NOX4: variants seen among roughly 807,000 people sequenced by gnomAD.
The protein encoded by NOX4 is kidney oxidase-1.
In NOX4, 69 loss-of-function variants were observed where a neutral mutation model predicts 87.6. The ratio of observed to expected loss-of-function variants is 0.79; its 90% CI spans 0.65 to 0.96. NOX4 has a LOEUF of 0.96. Among genes scored for constraint, NOX4 ranks in the 40% least tolerant of loss-of-function variants. The probability of loss-of-function intolerance (pLI) is 0.00; values close to 1 mark genes in which losing one functional copy is unlikely to be tolerated. For synonymous variants in NOX4, 275 were observed against 238.2 expected (o/e 1.15, Z -1.42); for missense variants, 680 against 681.5 (o/e 1.00, Z 0.02).
chr11:89,416,245 A>G (rs1942763725), intron 8 of NOX4, among the ~76,000 whole-genome samples: 1 of 152,316 alleles, frequency 6.6e-6, no homozygotes, highest in Middle Eastern at 3.4e-3. Flanking sequence ...AAAAGAACAT[A>G]GAGGAAAGTA....
upstream of NOX4, among the ~76,000 whole-genome samples, chr11:89,502,541 G>A (rs1236212874): frequency 6.6e-6 from 1 of 151,982 alleles, no homozygotes; most frequent in Non-Finnish European, 1.5e-5. Context: ...CTGGAGCAAA[G>A]GTCCCTGTTA....
At chr11:89,563,690 A>G in the NOX4 span, among the ~76,000 whole-genome samples, 3 of 152,154 alleles carry the variant, frequency 2.0e-5, no homozygotes, top group Non-Finnish European at 2.9e-5. Flanking sequence ...TCACCTCCAA[A>G]TTTTGAACAT....
chr11:89,545,992 G>C, the NOX4 span, among the ~76,000 whole-genome samples: 1 of 152,128 alleles, frequency 6.6e-6, no homozygotes, highest in African/African-American at 2.4e-5. Flanking sequence ...TCTTCCTGTG[G>C]TAAATATTAG....
chr11:89,568,101 C>G, the NOX4 span, among the ~76,000 whole-genome samples: 1 of 152,106 alleles, frequency 6.6e-6, no homozygotes, highest in Non-Finnish European at 1.5e-5. Flanking sequence ...GACACCACAC[C>G]TTATGGATAG....
chr11:89,515,249 T>C, the NOX4 span, among the ~76,000 whole-genome samples: 1 of 152,012 alleles, frequency 6.6e-6, no homozygotes, highest in Non-Finnish European at 1.5e-5. Context: ...GAGAGTTCCA[T>C]TTGCTCTACA....
At chr11:89,478,227 T>C (rs1946249319) in intron 2 of NOX4, among the ~76,000 whole-genome samples, 1 of 152,198 alleles carries the variant, frequency 6.6e-6, no homozygotes, top group African/African-American at 2.4e-5. Context: ...ATAAGCGATA[T>C]ATTAGGTTAA....
chr11:89,513,399 C>T, the NOX4 span, among the ~76,000 whole-genome samples: 1 of 151,716 alleles, frequency 6.6e-6, no homozygotes, highest in African/African-American at 2.4e-5. Flanking sequence ...GAATACTTGA[C>T]TTTAAATCTC....
chr11:89,556,006 T>C, the NOX4 span, among the ~76,000 whole-genome samples: 2 of 152,050 alleles, frequency 1.3e-5, no homozygotes, highest in African/African-American at 4.8e-5. Context: ...ACAGTTTGTG[T>C]GCTAAAAAAA....
chr11:89,397,977 C>G (rs1442950709), intron 11 of NOX4, among the ~76,000 whole-genome samples: 1 of 151,980 alleles, frequency 6.6e-6, no homozygotes, highest in East Asian at 1.9e-4. Flanking sequence ...GAGGCCAGCA[C>G]CATCCTGATA....
At chr11:89,465,372 C>T (rs111292350) in intron 2 of NOX4, among the ~76,000 whole-genome samples, 5,581 of 152,174 alleles carry the variant, frequency 0.037, 344 homozygotes, top group African/African-American at 0.13. Flanking sequence ...ATTTTCTTTA[C>T]CCAGTCTATC....
chr11:89,488,276 T>C (rs1293874059), intron 2 of NOX4, among the ~76,000 whole-genome samples: 2 of 152,046 alleles, frequency 1.3e-5, no homozygotes, highest in South Asian at 4.1e-4. Context: ...TCATTTTTTT[T>C]CTTCATTCCC....
the NOX4 span, chr11:89,545,061 T>C: frequency 2.6e-5 from 4 of 152,188 alleles, no homozygotes; most frequent in African/African-American, 9.7e-5. Context: ...ATTTGTGCTC[T>C]TGCTGTTGTG....
intron 13 of NOX4, among the ~76,000 whole-genome samples, chr11:89,349,037 C>T (rs1946335252): frequency 6.6e-6 from 1 of 152,032 alleles, no homozygotes; most frequent in Admixed American, 6.6e-5. Flanking sequence ...ACCTGTAATC[C>T]CAGCATTTTG....
At chr11:89,403,706 G>C (rs191723237) in intron 8 of NOX4, among the ~76,000 whole-genome samples, 4 of 152,038 alleles carry the variant, frequency 2.6e-5, no homozygotes, top group Non-Finnish European at 5.9e-5. Flanking sequence ...TCACACCATT[G>C]CACTCCAGCC....
chr11:89,446,105 C>T (rs1266730278), intron 4 of NOX4, among the ~76,000 whole-genome samples: 2 of 151,938 alleles, frequency 1.3e-5, no homozygotes, highest in Non-Finnish European at 2.9e-5. Context: ...CAAACAAGCA[C>T]GAAAAGATGA....
the NOX4 span, among the ~76,000 whole-genome samples, chr11:89,561,088 C>CATATATATATATAT: frequency 4.7e-5 from 2 of 42,878 alleles, no homozygotes; most frequent in Non-Finnish European, 4.4e-5. Flanking sequence ...TATATATATC[C>CATATATATATATAT]TATCAGTTCT....
intron 7 of NOX4, among the ~76,000 whole-genome samples, chr11:89,427,055 G>A (rs562690131): frequency 1.3e-5 from 2 of 152,266 alleles, no homozygotes; most frequent in African/African-American, 4.8e-5. Flanking sequence ...AGCAACATTT[G>A]CTATTCAGCA....
Position 89,438,374 on chromosome 11 carries a change from T to G in NOX4, c.475+2314A>C, listed in dbSNP as rs545470502. ...TATACTATATATTATATAATATATA[T>G]AATATATAATATATAATTATAATAT... On this transcript the variant is annotated intron_variant, in intron 6 of 17. Transcript: ENST00000263317. 4.5e-3 allele frequency among the ~76,000 whole-genome samples: 432 copies of G among 96,662 alleles called. 1 individual carries two copies. The highest frequency in any genetic ancestry group is 0.015 in the African/African-American group (375 of 24,198). The allele number at this position is 96,662 out of a possible 152,430, so 63.4% of individuals were successfully genotyped here. A position where few individuals can be genotyped will look rare whatever the true frequency, so the allele number is the denominator to read the frequency against.
chr11:89,587,504 G>A, the NOX4 span, among the ~76,000 whole-genome samples: 1 of 151,888 alleles, frequency 6.6e-6, no homozygotes, highest in East Asian at 1.9e-4. Flanking sequence ...CCAGATGAAC[G>A]CAATCAGAGG....
Sources: allele counts gnomAD v4.1 joint callset (sites outside exome capture counted in the v4.1 genomes callset), GRCh38; gene constraint gnomAD v4.1.1; transcripts MANE v1.5; gene names NCBI Gene and HGNC (gene_info 2026-07-23, HGNC 2026-07-21).